The following DCC variants were observed in gnomAD, a reference collection of about 807,000 sequenced individuals.
The protein encoded by DCC is DCC netrin 1 receptor.
Under a neutral mutation model 172.5 loss-of-function variants are expected in DCC, and 58 were observed. That is an observed-to-expected ratio of 0.34 (90% CI 0.27 to 0.42). The LOEUF is 0.42. Ranked by LOEUF, DCC falls within the 10% of genes least tolerant of loss-of-function variation. The probability of loss-of-function intolerance (pLI) is 1.00; values close to 1 mark genes in which losing one functional copy is unlikely to be tolerated. For missense variants in DCC, 1,740 were observed against 1,791.0 expected (o/e 0.97, Z 0.51); for synonymous variants, 709 against 644.5 (o/e 1.10, Z -1.52).
At chr18:52,875,229 CT>C (rs34506336) in intron 2 of DCC, among the ~76,000 whole-genome samples, 72,537 of 148,466 alleles carry the variant, frequency 0.49, 18,019 homozygotes, top group Middle Eastern at 0.59. Flanking sequence ...AACAGCGAAA[CT>C]TTTTTTTTTT....
rs115797557 is a variant in DCC, at chr18:53,064,781, C to G, written c.1141-1265C>G. On this transcript the variant is annotated intron_variant, in intron 6 of 28. Transcript: ENST00000442544. ...AGTGATCCATTATTTCCTTTAAAGG[C>G]GATGTTATTTCCACTACCACTGAAT... 6.2e-3 allele frequency among the ~76,000 whole-genome samples: 939 copies of G among 152,120 alleles called. 11 individuals carry two copies. The highest frequency in any genetic ancestry group is 0.021 in the African/African-American group (866 of 41,510).
intron 12 of DCC, among the ~76,000 whole-genome samples, chr18:53,261,032 A>T (rs2056591601): frequency 6.6e-6 from 1 of 152,006 alleles, no homozygotes; most frequent in Non-Finnish European, 1.5e-5. Flanking sequence ...CTGGTGTGCC[A>T]TTTGCTAAGA....
intron 2 of DCC, among the ~76,000 whole-genome samples, chr18:52,782,350 C>G (rs1447385346): frequency 6.6e-6 from 1 of 151,888 alleles, no homozygotes; most frequent in East Asian, 1.9e-4. Context: ...TTTGAACTAG[C>G]CTTTCATGAT....
chr18:53,442,766 T>TA (rs1280865476), intron 22 of DCC, among the ~76,000 whole-genome samples: 1 of 152,218 alleles, frequency 6.6e-6, no homozygotes, highest in Admixed American at 6.5e-5. Context: ...AGTGCTATTC[T>TA]AGTGAACCCA....
At chr18:53,256,402 A>C (rs969119684) in intron 12 of DCC, among the ~76,000 whole-genome samples, 2 of 152,104 alleles carry the variant, frequency 1.3e-5, no homozygotes, top group Non-Finnish European at 2.9e-5. Context: ...AGGTGTAAGG[A>C]AGGGATCCAG....
chr18:53,424,745 C>T (rs538321602), intron 21 of DCC, among the ~76,000 whole-genome samples: 2 of 152,262 alleles, frequency 1.3e-5, no homozygotes, highest in Non-Finnish European at 2.9e-5. Context: ...GCTCCAGGAA[C>T]ATTTAGGATA....
In DCC at chr18:52,660,329, G is replaced by A. The variant is rs569744176; in HGVS notation, c.92-91725G>A. On this transcript the variant is annotated intron_variant, in intron 1 of 28. Coordinates refer to ENST00000442544, the MANE Select transcript of DCC (RefSeq NM_005215.4). ...CCATACTCCCTCTTTTCCTTTTTCT[G>A]CAACTAGATGTTGTGAAAGGGAGAA... 7.2e-5 allele frequency among the ~76,000 whole-genome samples: 11 copies of A among 152,062 alleles called. No individual in the cohort carries two copies. In the South Asian group the frequency reaches 2.1e-3, roughly 29 times the overall value.
In DCC at chr18:52,822,008, C is replaced by A. The variant is rs578027658; in HGVS notation, c.412+69634C>A. On this transcript the variant is annotated intron_variant, in intron 2 of 28. Transcript: ENST00000442544. ...TTAGTCTGTCCAGAGCCAGTACAGC[C>A]TAAAATTAATTTGGTAATTGGGCTT... Among the ~76,000 whole-genome samples, 283 of 152,226 alleles carry A rather than the reference C, an allele frequency of 1.9e-3. 3 individuals are homozygous for A. Among genetic ancestry groups the A allele is most frequent in the African/African-American group, 6.5e-3 (271 of 41,534 alleles).
chr18:52,827,654 C>T (rs113981002), intron 2 of DCC, among the ~76,000 whole-genome samples: 5 of 152,340 alleles, frequency 3.3e-5, no homozygotes, highest in African/African-American at 7.2e-5. Context: ...AATCTAATTC[C>T]TAATCCACAC....
chr18:52,698,469 A>G (rs1314241402), intron 1 of DCC, among the ~76,000 whole-genome samples: 1 of 152,038 alleles, frequency 6.6e-6, no homozygotes. Flanking sequence ...TCCTTTTCTC[A>G]TTTATTGAGA....
chr18:53,321,202 A>C (rs933995859), intron 13 of DCC, among the ~76,000 whole-genome samples: 1 of 152,190 alleles, frequency 6.6e-6, no homozygotes, highest in African/African-American at 2.4e-5. Flanking sequence ...ATGGGGGATA[A>C]CAGTTACATT....
chr18:53,515,409 C>T (rs1455032945), intron 27 of DCC, among the ~76,000 whole-genome samples: 2 of 150,758 alleles, frequency 1.3e-5, no homozygotes, highest in Non-Finnish European at 3.0e-5. Context: ...TGCCCTCTCT[C>T]ACCACTCGTA....
chr18:52,704,259 C>T (rs141192044), intron 1 of DCC, among the ~76,000 whole-genome samples: 65 of 152,062 alleles, frequency 4.3e-4, no homozygotes, highest in Admixed American at 5.2e-4. Context: ...TACTTTTACA[C>T]GGAACAGCTT....
intron 14 of DCC, 139 bp downstream of exon 14, chr18:53,322,296 G>C (rs1230072158): frequency 1.5e-6 from 1 of 684,370 alleles, no homozygotes; most frequent in Non-Finnish European, 2.7e-6. Flanking sequence ...ACACAACAGG[G>C]AAACATTAGT....
intron 5 of DCC, among the ~76,000 whole-genome samples, chr18:52,960,647 C>T (rs1188492446): frequency 6.6e-6 from 1 of 151,874 alleles, no homozygotes; most frequent in African/African-American, 2.4e-5. Flanking sequence ...AGGATCAAAG[C>T]GTACCCAACA....
chr18:53,290,162 A>G (rs760925283), intron 12 of DCC, among the ~76,000 whole-genome samples: 4 of 152,318 alleles, frequency 2.6e-5, no homozygotes, highest in East Asian at 1.9e-4. Context: ...CTATTGGTCT[A>G]TCATCTGGCA....
rs71175538 is a variant in DCC at position 52,921,705 on chromosome 18, AAATAAT to A, written c.698-1985_698-1980del. ...CAGAGAGGCTCCATCTCAAAAATAA[AAATAAT>A]AATAATAATAATAATATATATAAAT... is the stretch of plus-strand genomic sequence containing the variant. On this transcript the variant is annotated intron_variant, in intron 3 of 28. Transcript: ENST00000442544. Among the ~76,000 whole-genome samples, 255 of 146,898 alleles carry A rather than the reference AAATAAT, an allele frequency of 1.7e-3. 1 individual carries two copies. Among genetic ancestry groups the A allele is most frequent in the African/African-American group, 5.5e-3 (220 of 40,194 alleles).
intron 5 of DCC, among the ~76,000 whole-genome samples, chr18:52,996,830 C>A: frequency 6.8e-6 from 1 of 146,242 alleles, no homozygotes; most frequent in East Asian, 2.0e-4. Flanking sequence ...ACATCTCCCT[C>A]TCGCCCTCTT....
intron 7 of DCC, among the ~76,000 whole-genome samples, chr18:53,105,167 C>T (rs1009828289): frequency 6.6e-6 from 1 of 151,998 alleles, no homozygotes; most frequent in Non-Finnish European, 1.5e-5. Flanking sequence ...CTAAAAGGTT[C>T]TATGCATGGA....
Sources: allele counts gnomAD v4.1 joint callset (sites outside exome capture counted in the v4.1 genomes callset), GRCh38; gene constraint gnomAD v4.1.1; transcripts MANE v1.5; gene names NCBI Gene and HGNC (gene_info 2026-07-23, HGNC 2026-07-21).